Variants in GRAMD1B observed in about 807,000 individuals in gnomAD.
GRAMD1B encodes GRAM domain containing 1B, also known as protein Aster-B.
A neutral mutation model predicts 99.7 loss-of-function variants in GRAMD1B; 37 were observed. That is an observed-to-expected ratio of 0.37 (90% CI 0.29 to 0.49). The LOEUF is 0.49. GRAMD1B is among the 20% of genes least tolerant of loss of function. The probability of loss-of-function intolerance (pLI) is 0.98; values close to 1 mark genes in which losing one functional copy is unlikely to be tolerated. For synonymous variants in GRAMD1B, 427 were observed against 387.6 expected, an observed-to-expected ratio of 1.10 and a Z score of -1.19; for missense variants, 888 against 1,009.2, an observed-to-expected ratio of 0.88 and a Z score of 1.63.
In GRAMD1B at chr11:123,561,324, G is replaced by T. The variant is rs374382991; in HGVS notation, c.453-16043G>T. The stretch of plus-strand genomic sequence containing the variant: ...AGCTGGCCAGAGCTGTGGTCAGGAA[G>T]ATATGGACAGACACTGCTTATCCCA... On this transcript the variant is annotated intron_variant, in intron 2 of 19. Coordinates refer to ENST00000635736, the MANE Select transcript of GRAMD1B (RefSeq NM_001387025.1). Among the ~76,000 whole-genome samples the T allele has an allele frequency of 4.3e-4, 65 of 152,352 alleles. No homozygotes were observed. The South Asian group carries it at 0.013, about 30-fold the overall frequency.
chr11:123,485,327 T>C (rs1435356909), intron 2 of GRAMD1B, among the ~76,000 whole-genome samples: 1 of 152,268 alleles, frequency 6.6e-6, no homozygotes, highest in East Asian at 1.9e-4. Context: ...TTTTCTTTTC[T>C]TGCTTTTGTG....
intron 3 of GRAMD1B, chr11:123,578,310 A>C (rs749288106): frequency 1.0e-6 from 1 of 991,470 alleles, no homozygotes; most frequent in Non-Finnish European, 1.5e-6. Context: ...GAGGCATGGG[A>C]GCTGGCTTCC....
At chr11:123,374,086 A>G (rs1216607973) in intron 1 of GRAMD1B, among the ~76,000 whole-genome samples, 6 of 152,152 alleles carry the variant, frequency 3.9e-5, no homozygotes, top group Middle Eastern at 3.2e-3. Context: ...CTATGGTTTG[A>G]TTATTTTCCT....
At chr11:123,456,260 T>C (rs924125025) in intron 1 of GRAMD1B, among the ~76,000 whole-genome samples, 1 of 152,236 alleles carries the variant, frequency 6.6e-6, no homozygotes, top group South Asian at 2.1e-4. Context: ...GTTATCCTTC[T>C]TGTCAGCAGA....
At chr11:123,515,500 G>A (rs1377005335) in intron 2 of GRAMD1B, among the ~76,000 whole-genome samples, 1 of 152,150 alleles carries the variant, frequency 6.6e-6, no homozygotes, top group African/African-American at 2.4e-5. Context: ...AAAAAAATCA[G>A]ATGCCCCGTC....
chr11:123,568,201 A>G (rs947210529), intron 2 of GRAMD1B, among the ~76,000 whole-genome samples: 8 of 152,096 alleles, frequency 5.3e-5, no homozygotes, highest in African/African-American at 9.7e-5. Flanking sequence ...AGTGCCCTGA[A>G]TTATCTACAC....
At chr11:123,506,954 T>C (rs192022902) in intron 2 of GRAMD1B, among the ~76,000 whole-genome samples, 1 of 152,226 alleles carries the variant, frequency 6.6e-6, no homozygotes, top group African/African-American at 2.4e-5. Flanking sequence ...AATCTCTGTG[T>C]AATACACATA....
Position 123,624,909 on chromosome 11 carries a change from G to T in GRAMD1B, c.*2314G>T, listed in dbSNP as rs7924813. On this transcript the variant is annotated 3_prime_UTR_variant, in exon 20 of 20. Transcript: ENST00000635736. ...CTCAGGACCATTCCCAGGAGGAAAA[G>T]GTGGCAGAGAGGGCAGTACTGAGTA... 38,456 of 152,064 alleles carry T rather than the reference G, an allele frequency of 0.25. 5,244 individuals are homozygous for T. The highest frequency in any genetic ancestry group is 0.36 in the South Asian group (1,716 of 4,816). The allele number at this position is 152,064 out of a possible 1,614,324, so 9.4% of individuals were successfully genotyped here.
Position 123,417,368 on chromosome 11 carries a change from G to A in GRAMD1B, c.-176+58569G>A, listed in dbSNP as rs566226539. Among the ~76,000 whole-genome samples, 350 of 152,174 alleles carry A rather than the reference G, an allele frequency of 2.3e-3. 3 individuals are homozygous for A. Among genetic ancestry groups the A allele is most frequent in the African/African-American group, 7.9e-3 (329 of 41,514 alleles). On this transcript the variant is annotated intron_variant, in intron 1 of 20. Transcript: ENST00000638157. Reference sequence around the variant, plus strand: ...AGCCTGGCTGACAGAGTGAGACTCCGTTTCAAAGAAAAAAGAAAAAAAGAA... The same window carrying A: ...AGCCTGGCTGACAGAGTGAGACTCCATTTCAAAGAAAAAAGAAAAAAAGAA...
chr11:123,600,912 G>A (rs1402958684), intron 8 of GRAMD1B, among the ~76,000 whole-genome samples: 1 of 152,160 alleles, frequency 6.6e-6, no homozygotes, highest in Non-Finnish European at 1.5e-5. Flanking sequence ...AGATGGAAAG[G>A]GAAAGGGGAA....
rs1955424997 is a variant in GRAMD1B, at chr11:123,625,092, AT to A, written c.*2499del. 1 of 152,218 alleles carries A rather than the reference AT, an allele frequency of 6.6e-6. No individual in the cohort carries two copies. Among genetic ancestry groups the A allele is most frequent in the Non-Finnish European group, 1.5e-5 (1 of 68,050 alleles). The allele number at this position is 152,218 out of a possible 1,614,324, so 9.4% of individuals were successfully genotyped here. On this transcript the variant is annotated 3_prime_UTR_variant, in exon 20 of 20. Coordinates refer to ENST00000635736, the MANE Select transcript of GRAMD1B (RefSeq NM_001387025.1). Reference sequence around the variant, plus strand: ...CAGGAAAAAACCAACAACTCTATTCATTCCCAAACAAAATCTCTTCCCCCTT... The same window carrying A: ...CAGGAAAAAACCAACAACTCTATTCATCCCAAACAAAATCTCTTCCCCCTT...
intron 2 of GRAMD1B, among the ~76,000 whole-genome samples, chr11:123,520,817 A>G (rs982512516): frequency 6.6e-6 from 1 of 150,996 alleles, no homozygotes; most frequent in African/African-American, 2.4e-5. Flanking sequence ...AGGAAAATAA[A>G]TAATATTTAT....
chr11:123,579,159 C>T (rs532873431), intron 3 of GRAMD1B, among the ~76,000 whole-genome samples: 69 of 152,280 alleles, frequency 4.5e-4, no homozygotes, highest in African/African-American at 1.5e-3. Flanking sequence ...GAGTCTTTCC[C>T]GGGAGCCCAG....
At chr11:123,566,818 T>A (rs1163579587) in intron 2 of GRAMD1B, among the ~76,000 whole-genome samples, 4 of 151,678 alleles carry the variant, frequency 2.6e-5, no homozygotes, top group Admixed American at 6.6e-5. Flanking sequence ...ATTCATGGAC[T>A]ATATATCTGC....
chr11:123,368,356 C>T (rs571111578), intron 1 of GRAMD1B, among the ~76,000 whole-genome samples: 2 of 150,232 alleles, frequency 1.3e-5, no homozygotes, highest in Non-Finnish European at 3.0e-5. Flanking sequence ...GGCCATAACT[C>T]GAGATAAAAT....
chr11:123,411,162 A>G (rs1466493319), intron 1 of GRAMD1B, among the ~76,000 whole-genome samples: 3 of 151,072 alleles, frequency 2.0e-5, no homozygotes, highest in Non-Finnish European at 2.9e-5. Flanking sequence ...CCGCCACCAC[A>G]CCCGGCTAAT....
chr11:123,613,326 T>C (rs1953862503), intron 15 of GRAMD1B, 129 bp from the exon 16 acceptor site: 3 of 671,636 alleles, frequency 4.5e-6, no homozygotes, highest in Non-Finnish European at 7.8e-6. Context: ...CTGAGGCTCA[T>C]GGGCATCCCT....
chr11:123,500,786 G>A (rs181824916), intron 2 of GRAMD1B, among the ~76,000 whole-genome samples: 1 of 151,836 alleles, frequency 6.6e-6, no homozygotes, highest in Non-Finnish European at 1.5e-5. Context: ...TGATTCTCCC[G>A]CCTCAGCCTC....
intron 1 of GRAMD1B, among the ~76,000 whole-genome samples, chr11:123,379,527 A>G (rs1050856918): frequency 3.9e-5 from 6 of 152,150 alleles, no homozygotes; most frequent in African/African-American, 1.4e-4. Flanking sequence ...CCTGTTTATT[A>G]CCGAATAATA....
Sources: gnomAD v4.1 joint callset for allele counts (sites outside exome capture counted in the v4.1 genomes callset) on GRCh38, gnomAD v4.1.1 for gene constraint, MANE v1.5 for transcripts, NCBI Gene and HGNC (gene_info 2026-07-23, HGNC 2026-07-21) for gene names.